Variants in ADAMTS20 observed in about 807,000 individuals in gnomAD.
ADAMTS20 encodes A disintegrin and metalloproteinase with thrombospondin motifs 20.
A neutral mutation model predicts 260.1 loss-of-function variants in ADAMTS20; 225 were observed. That is an observed-to-expected ratio of 0.87 (90% CI 0.78 to 0.97). The LOEUF (loss-of-function observed/expected upper bound fraction) is 0.97, where lower values mean the gene tolerates loss of function less well. Among genes scored for constraint, ADAMTS20 ranks in the 50% least tolerant of loss-of-function variants. The probability of loss-of-function intolerance (pLI) is 0.00; values close to 1 mark genes in which losing one functional copy is unlikely to be tolerated. For missense variants in ADAMTS20, 2,400 were observed against 2,337.7 expected (o/e 1.03, Z -0.55); for synonymous variants, 802 against 769.5 (o/e 1.04, Z -0.70).
chr12:43,431,187 GA>G (rs1941434957), intron 22 of ADAMTS20, 144 bp downstream of exon 22: 2 of 700,158 alleles, frequency 2.9e-6, no homozygotes, highest in Non-Finnish European at 4.6e-6. Flanking sequence ...TACACATAAA[GA>G]TTCACATTTC....
At chr12:43,373,274 T>C (rs888175336) in intron 36 of ADAMTS20, among the ~76,000 whole-genome samples, 1 of 152,234 alleles carries the variant, frequency 6.6e-6, no homozygotes, top group African/African-American at 2.4e-5. Context: ...AAATGGCAGC[T>C]TTGTTAAAAA....
chr12:43,485,410 G>T (rs534101606), intron 7 of ADAMTS20, among the ~76,000 whole-genome samples: 3 of 151,938 alleles, frequency 2.0e-5, no homozygotes, highest in Non-Finnish European at 4.4e-5. Flanking sequence ...GGCATAGAAA[G>T]AACATATCTC....
At chr12:43,470,355 A>C (rs10506229) in intron 7 of ADAMTS20, among the ~76,000 whole-genome samples, 13,114 of 152,296 alleles carry the variant, frequency 0.086, 1,009 homozygotes, top group East Asian at 0.46. Flanking sequence ...TTTATGTTTC[A>C]TGCTTAAAGG....
At chr12:43,409,624 A>AAAAAAAC (rs1565684971) in intron 28 of ADAMTS20, among the ~76,000 whole-genome samples, 3 of 140,502 alleles carry the variant, frequency 2.1e-5, no homozygotes, top group African/African-American at 7.9e-5. Context: ...AAAAAAAAAA[A>AAAAAAAC]AAAAAACAAG....
At chr12:43,501,643 C>A (rs1475280957) in intron 4 of ADAMTS20, among the ~76,000 whole-genome samples, 1 of 152,020 alleles carries the variant, frequency 6.6e-6, no homozygotes, top group East Asian at 1.9e-4. Flanking sequence ...GTTATCGTGA[C>A]CTTATATTCC....
At chr12:43,549,779 A>G (rs1336857921) in intron 2 of ADAMTS20, among the ~76,000 whole-genome samples, 2 of 152,210 alleles carry the variant, frequency 1.3e-5, no homozygotes, top group Non-Finnish European at 2.9e-5. Flanking sequence ...TTTCATGTAA[A>G]AAACAACTCA....
Position 43,428,266 on chromosome 12 carries a change from T to G in ADAMTS20, c.3920A>C (p.Gln1307Pro), listed in dbSNP as rs753016233. The change falls in exon 26 of 39, where the codon CAG becomes CCG. Residue 1307 changes from glutamine to proline, a missense_variant. Gln to Pro is a moderately conservative substitution (Grantham distance 76). Coordinates refer to ENST00000389420, the MANE Select transcript of ADAMTS20 (RefSeq NM_025003.5). ...QVVHPSVRGNQWRTGPWGSCS... is the reference protein window; with the variant it reads ...QVVHPSVRGNPWRTGPWGSCS... ...TGATCCCCATGGTCCGGTTCTCCACTGGTTTCCTCTGACTGATGGATGGAC... is the reference window on the plus strand; with the variant it reads ...TGATCCCCATGGTCCGGTTCTCCACGGGTTTCCTCTGACTGATGGATGGAC... 2 of 1,613,974 alleles carry G rather than the reference T, an allele frequency of 1.2e-6. No individual in the cohort carries two copies. The highest frequency in any genetic ancestry group is 2.2e-5 in the South Asian group (2 of 91,086).
chr12:43,428,496 T>C lies in ADAMTS20; in HGVS notation c.3690A>G (p.Arg1230=), dbSNP rs1425420796. Residue 1230 remains arginine (R), a synonymous_variant, in exon 26 of 39, where the codon CGA becomes CGG. Coordinates refer to ENST00000389420, the MANE Select transcript of ADAMTS20 (RefSeq NM_025003.5). The part of the protein sequence containing the change: ...SASCGHGKTT[R]QVLCMNYHQP... ...GATGGTAGTTCATGCATAAAACTTGTCGAGTTGTTTTTCCATGGCCACAGG... is the reference window on the plus strand; with the variant it reads ...GATGGTAGTTCATGCATAAAACTTGCCGAGTTGTTTTTCCATGGCCACAGG... 5 of 1,613,796 alleles carry C rather than the reference T, an allele frequency of 3.1e-6. No individual in the cohort carries two copies. The East Asian group carries it at 1.1e-4, about 36-fold the overall frequency.
chr12:43,400,065 A>G (rs1940779452), intron 28 of ADAMTS20, among the ~76,000 whole-genome samples: 1 of 152,070 alleles, frequency 6.6e-6, no homozygotes, highest in African/African-American at 2.4e-5. Flanking sequence ...GAAGATTAAC[A>G]TAAGATAAAG....
intron 2 of ADAMTS20, among the ~76,000 whole-genome samples, chr12:43,545,995 T>C (rs1943436752): frequency 6.6e-6 from 1 of 152,138 alleles, no homozygotes; most frequent in African/African-American, 2.4e-5. Flanking sequence ...AGTACATGAA[T>C]AGCCAAAAGA....
chr12:43,501,580 T>C (rs980496593), intron 4 of ADAMTS20, among the ~76,000 whole-genome samples: 19 of 151,938 alleles, frequency 1.3e-4, no homozygotes, highest in African/African-American at 4.6e-4. Context: ...CTGTGGGTAC[T>C]AGCACTACCA....
chr12:43,374,793 T>A (rs1940185437), intron 36 of ADAMTS20, among the ~76,000 whole-genome samples: 1 of 152,218 alleles, frequency 6.6e-6, no homozygotes, highest in South Asian at 2.1e-4. Context: ...AACTTTCTTA[T>A]CCTTAATGTA....
At position 43,436,611 on chromosome 12, in the gene ADAMTS20, C is replaced by A. The variant is rs188447838; in HGVS notation, c.2594-2240G>T. On this transcript the variant is annotated intron_variant, in intron 18 of 38. Coordinates refer to ENST00000389420, the MANE Select transcript of ADAMTS20 (RefSeq NM_025003.5). ...TTACAGCACATTTCAATAGATTAGC[C>A]ACACATGGCTAGCGGCTACCATATT... 4.9e-4 allele frequency among the ~76,000 whole-genome samples: 75 copies of A among 152,154 alleles called. 1 individual carries two copies. The highest frequency in any genetic ancestry group is 1.7e-3 in the African/African-American group (70 of 41,488).
At chr12:43,366,992 C>G (rs1940000673) in intron 37 of ADAMTS20, among the ~76,000 whole-genome samples, 1 of 151,738 alleles carries the variant, frequency 6.6e-6, no homozygotes, top group African/African-American at 2.4e-5. Flanking sequence ...GACATAACTA[C>G]CAAAACAAAT....
chr12:43,525,769 A>G (rs986015935), intron 3 of ADAMTS20, among the ~76,000 whole-genome samples: 2 of 152,156 alleles, frequency 1.3e-5, no homozygotes, highest in East Asian at 3.9e-4. Flanking sequence ...GTATAAAAAG[A>G]AAAAAAGTCA....
rs1400058249 is a variant in ADAMTS20 at position 43,383,713 on chromosome 12, C to T, written c.4642G>A (p.Glu1548Lys). The T allele has an allele frequency of 6.2e-7, 1 of 1,613,828 alleles. No homozygotes were observed. The highest frequency in any genetic ancestry group is 2.2e-5 in the East Asian group (1 of 44,886). ...RGRLNCSTSC[E>K]RKDSHQRMEC... The stretch of plus-strand genomic sequence containing the variant: ...ATTCGTTGATGTGAATCTTTTCTCT[C>T]ACATGATGTTGAACACTAGAAATGC... Residue 1548 changes from glutamate (E) to lysine (K), a missense_variant, in exon 31 of 39, where the codon GAG becomes AAG. Transcript: ENST00000389420.
At chr12:43,471,160 A>C (rs1418245930) in intron 7 of ADAMTS20, among the ~76,000 whole-genome samples, 1 of 152,164 alleles carries the variant, frequency 6.6e-6, no homozygotes, top group African/African-American at 2.4e-5. Context: ...AGGGCGAGGC[A>C]TTGCCTCACC....
At position 43,490,396 on chromosome 12, in the gene ADAMTS20, TA is replaced by T; in HGVS notation, c.1115del (p.Leu372Ter). 1.6e-6 allele frequency: 2 copies of T among 1,262,898 alleles called. No individual in the cohort carries two copies. Among genetic ancestry groups the T allele is most frequent in the Admixed American group, 3.0e-5 (1 of 33,070 alleles). 78.2% of individuals were successfully genotyped at this position (1,262,898 alleles called of 1,614,324 possible). Reference protein sequence around the residue: ...ICSSKEKCNMLGLSYLGTICD... With the variant: ...ICSSKEKCNMXGLSYLGTICD... The stretch of plus-strand genomic sequence containing the variant: ...AACTTAATTGACAAAATAACTTACC[TA>T]ACATGTTACATTTCTCTTTAGATGA... On this transcript the variant is annotated frameshift_variant and splice_region_variant, in exon 7 of 39. Transcript: ENST00000389420. LOFTEE classifies it high-confidence loss of function.
intron 7 of ADAMTS20, among the ~76,000 whole-genome samples, chr12:43,487,959 AAG>A (rs1180766618): frequency 1.3e-5 from 2 of 152,182 alleles, no homozygotes; most frequent in Non-Finnish European, 2.9e-5. Flanking sequence ...TTCTAAGAAA[AAG>A]AGAGGAATTA....
Sources: gnomAD v4.1 joint callset for allele counts (sites outside exome capture counted in the v4.1 genomes callset) on GRCh38, gnomAD v4.1.1 for gene constraint, MANE v1.5 for transcripts, NCBI Gene and HGNC (gene_info 2026-07-23, HGNC 2026-07-21) for gene names.